Variants in MACROD2 observed in about 807,000 individuals in gnomAD.
MACROD2 encodes the protein mono-ADP ribosylhydrolase 2.
MACROD2 carries 36 observed loss-of-function variants against 70.4 expected under a neutral mutation model. The observed-to-expected ratio is 0.51, with a 90% CI of 0.39 to 0.68. The LOEUF is 0.68. MACROD2 is among the 30% of genes least tolerant of loss of function. The pLI, the probability that MACROD2 is intolerant of heterozygous loss-of-function variation, is 0.00. For missense variants in MACROD2, 496 were observed against 538.4 expected (o/e 0.92, Z 0.78); for synonymous variants, 172 against 178.8 (o/e 0.96, Z 0.30).
At chr20:15,652,833 C>T (rs2049666327) in intron 8 of MACROD2, among the ~76,000 whole-genome samples, 1 of 151,930 alleles carries the variant, frequency 6.6e-6, no homozygotes, top group Non-Finnish European at 1.5e-5. Flanking sequence ...CTGTCTTCCA[C>T]AGGGTTGGTT....
intron 8 of MACROD2, among the ~76,000 whole-genome samples, chr20:15,572,222 T>G (rs2048385654): frequency 6.6e-6 from 1 of 152,088 alleles, no homozygotes; most frequent in Non-Finnish European, 1.5e-5. Context: ...ATCCTGGAAA[T>G]GACAGCATGA....
rs57914459 is a variant in MACROD2 at position 14,979,118 on chromosome 20, ATT to A, written c.419-250809_419-250808del. Among the ~76,000 whole-genome samples the A allele has an allele frequency of 4.4e-3, 626 of 142,662 alleles. 6 individuals are homozygous for A. Among genetic ancestry groups the A allele is most frequent in the African/African-American group, 0.01 (389 of 38,588 alleles). The allele number at this position is 142,662 out of a possible 152,430, so 93.6% of individuals were successfully genotyped here. A position where few individuals can be genotyped will look rare whatever the true frequency, so the allele number is the denominator to read the frequency against. ...ATGTACACACCACCATACCCAGCTA[ATT>A]TTTTTTTTTTTTAATTTTTTGTAGA... On this transcript the variant is annotated intron_variant, in intron 5 of 17. Coordinates refer to ENST00000684519, the MANE Select transcript of MACROD2 (RefSeq NM_001351661.2).
At chr20:14,246,301 G>A (rs768806423) in intron 3 of MACROD2, among the ~76,000 whole-genome samples, 6 of 152,150 alleles carry the variant, frequency 3.9e-5, no homozygotes, top group Non-Finnish European at 8.8e-5. Context: ...CATCTTCATT[G>A]TAGTGACTTC....
chr20:14,600,329 T>C (rs1415934956), intron 4 of MACROD2, among the ~76,000 whole-genome samples: 2 of 138,814 alleles, frequency 1.4e-5, no homozygotes, highest in Non-Finnish European at 3.0e-5. Flanking sequence ...TGCAGCTACA[T>C]ATATATATAT....
chr20:14,602,104 T>C (rs1318826988), intron 4 of MACROD2, among the ~76,000 whole-genome samples: 1 of 152,162 alleles, frequency 6.6e-6, no homozygotes, highest in East Asian at 1.9e-4. Context: ...AAATTAGGCA[T>C]GTGGACACAT....
intron 5 of MACROD2, among the ~76,000 whole-genome samples, chr20:14,707,417 A>G (rs1245834890): frequency 2.6e-5 from 4 of 152,138 alleles, no homozygotes; most frequent in African/African-American, 9.7e-5. Context: ...TTTCTTTCCA[A>G]AGGTATAAAG....
At chr20:15,402,867 A>C (rs996415323) in intron 6 of MACROD2, among the ~76,000 whole-genome samples, 6 of 152,226 alleles carry the variant, frequency 3.9e-5, no homozygotes, top group African/African-American at 1.2e-4. Flanking sequence ...GGAAGGCAGG[A>C]GATATTTAAA....
At chr20:15,504,344 A>G (rs2047399569) in intron 8 of MACROD2, among the ~76,000 whole-genome samples, 1 of 152,184 alleles carries the variant, frequency 6.6e-6, no homozygotes, top group Non-Finnish European at 1.5e-5. Context: ...CAGCTCTAGC[A>G]GAAGAGCTAA....
At chr20:14,136,212 A>T (rs1468445533) in intron 3 of MACROD2, among the ~76,000 whole-genome samples, 2 of 152,148 alleles carry the variant, frequency 1.3e-5, no homozygotes, top group Non-Finnish European at 2.9e-5. Context: ...TCCATTTCCA[A>T]GTGTTATTTT....
chr20:15,874,262 G>A (rs2064633618), intron 9 of MACROD2, among the ~76,000 whole-genome samples: 1 of 151,906 alleles, frequency 6.6e-6, no homozygotes, highest in African/African-American at 2.4e-5. Flanking sequence ...TTTTTTGGCT[G>A]CATAGTATTC....
At chr20:15,228,120 G>A (rs2076926497) in intron 5 of MACROD2, among the ~76,000 whole-genome samples, 1 of 152,012 alleles carries the variant, frequency 6.6e-6, no homozygotes, top group Non-Finnish European at 1.5e-5. Context: ...TACAGGACTT[G>A]CATTGCTTGA....
At chr20:15,374,230 CAT>C (rs1189831588) in intron 6 of MACROD2, among the ~76,000 whole-genome samples, 1 of 151,574 alleles carries the variant, frequency 6.6e-6, no homozygotes, top group Non-Finnish European at 1.5e-5. Context: ...GTGATTTTAT[CAT>C]ATATATAATC....
intron 6 of MACROD2, among the ~76,000 whole-genome samples, chr20:15,329,469 G>A (rs758585703): frequency 1.3e-5 from 2 of 152,038 alleles, no homozygotes; most frequent in Non-Finnish European, 2.9e-5. Flanking sequence ...CAGGTGCAGT[G>A]GCTCATGTCT....
intron 4 of MACROD2, among the ~76,000 whole-genome samples, chr20:14,599,593 G>C (rs113707769): frequency 1.3e-5 from 2 of 152,172 alleles, no homozygotes; most frequent in Admixed American, 6.5e-5. Context: ...AAACTGAGCT[G>C]CTGGACTCCC....
chr20:14,215,074 TCCATCATATATATCTATTC>T (rs1250847977), intron 3 of MACROD2, among the ~76,000 whole-genome samples: 462 of 2,244 alleles, frequency 0.21, 1 homozygote, highest in Middle Eastern at 0.5. Flanking sequence ...ATATATCTAT[TCCATCATATATATCTATTC>T]CATCATATAT....
At chr20:14,132,509 T>A (rs979420054) in intron 3 of MACROD2, among the ~76,000 whole-genome samples, 3 of 152,250 alleles carry the variant, frequency 2.0e-5, no homozygotes, top group Non-Finnish European at 4.4e-5. Flanking sequence ...AATATACATA[T>A]AAACAGCAAC....
intron 4 of MACROD2, among the ~76,000 whole-genome samples, chr20:14,600,155 C>A (rs1023163769): frequency 3.3e-5 from 5 of 151,702 alleles, no homozygotes; most frequent in Admixed American, 1.3e-4. Flanking sequence ...GCAATGCACA[C>A]AAAAAAACTG....
At chr20:14,797,687 C>T (rs147989064) in intron 5 of MACROD2, among the ~76,000 whole-genome samples, 7 of 152,228 alleles carry the variant, frequency 4.6e-5, no homozygotes, top group African/African-American at 1.4e-4. Flanking sequence ...GCACATATAG[C>T]TGTAGATTTT....
intron 8 of MACROD2, among the ~76,000 whole-genome samples, chr20:15,750,068 A>C (rs1292727382): frequency 1.3e-5 from 2 of 152,110 alleles, no homozygotes; most frequent in Admixed American, 1.3e-4. Context: ...GACAACCTAC[A>C]GAATGGGAAA....
Sources: allele counts gnomAD v4.1 joint callset (sites outside exome capture counted in the v4.1 genomes callset), GRCh38; gene constraint gnomAD v4.1.1; transcripts MANE v1.5; gene names NCBI Gene and HGNC (gene_info 2026-07-23, HGNC 2026-07-21).